Variants in USP45 observed in about 807,000 individuals in gnomAD.
The protein encoded by USP45 is ubiquitin carboxyl-terminal hydrolase 45.
Under a neutral mutation model 95.8 loss-of-function variants are expected in USP45, and 89 were observed. The ratio of observed to expected loss-of-function variants is 0.93; its 90% CI spans 0.78 to 1.11. The LOEUF (loss-of-function observed/expected upper bound fraction) is 1.11, where lower values mean the gene tolerates loss of function less well. Ranked by LOEUF, USP45 falls within the 50% of genes least tolerant of loss-of-function variation. The pLI is 0.00. For missense variants in USP45, 898 were observed against 942.5 expected, an observed-to-expected ratio of 0.95 and a Z score of 0.62; for synonymous variants, 281 against 316.2, an observed-to-expected ratio of 0.89 and a Z score of 1.18.
intron 8 of USP45, among the ~76,000 whole-genome samples, chr6:99,478,815 T>C (rs1791553085): frequency 6.6e-6 from 1 of 152,078 alleles, no homozygotes; most frequent in South Asian, 2.1e-4. Context: ...TGCTCCCAAA[T>C]AAGGCTCATC....
At chr6:99,513,419 G>C (rs982904912) in intron 1 of USP45, among the ~76,000 whole-genome samples, 2 of 151,982 alleles carry the variant, frequency 1.3e-5, no homozygotes, top group Non-Finnish European at 2.9e-5. Context: ...ATAAGCAGAC[G>C]GCAAATTTGA....
At chr6:99,463,256 A>C (rs893331455) in intron 13 of USP45, among the ~76,000 whole-genome samples, 1 of 152,136 alleles carries the variant, frequency 6.6e-6, no homozygotes, top group Non-Finnish European at 1.5e-5. Context: ...AAAATAATAG[A>C]TCTAGACAAT....
intron 14 of USP45, among the ~76,000 whole-genome samples, chr6:99,444,985 A>G (rs1782212071): frequency 1.3e-5 from 2 of 152,208 alleles, no homozygotes; most frequent in Admixed American, 1.3e-4. Flanking sequence ...CCATTTACTC[A>G]AGGATAAAGA....
chr6:99,445,781 T>C lies in USP45; in HGVS notation c.1975+16A>G, dbSNP rs144599778. ...TATCAGGAGATCAATAATTATGTAA[T>C]TAAAAAAATAATTACCTGCAAAACT... is the stretch of plus-strand genomic sequence containing the variant. On this transcript the variant is annotated intron_variant, in intron 14 of 17. Coordinates refer to ENST00000500704, the MANE Select transcript of USP45 (RefSeq NM_001346022.3). 804 of 1,515,268 alleles carry C rather than the reference T, an allele frequency of 5.3e-4. 5 individuals carry two copies. The African/African-American group carries it at 6.7e-3, about 13-fold the overall frequency. 93.9% of individuals were successfully genotyped at this position (1,515,268 alleles called of 1,614,324 possible).
At chr6:99,441,549 T>G (rs1781531217) in intron 15 of USP45, among the ~76,000 whole-genome samples, 1 of 151,888 alleles carries the variant, frequency 6.6e-6, no homozygotes, top group African/African-American at 2.4e-5. Context: ...AAAAAAAAAT[T>G]ACTCAATGTT....
intron 14 of USP45, among the ~76,000 whole-genome samples, chr6:99,444,252 C>T (rs538048724): frequency 4.6e-5 from 7 of 152,236 alleles, no homozygotes; most frequent in Non-Finnish European, 7.4e-5. Context: ...TGGCTACAAG[C>T]GATCCTCATG....
At chr6:99,493,109 C>A (rs1470343454) in intron 5 of USP45, among the ~76,000 whole-genome samples, 4 of 151,922 alleles carry the variant, frequency 2.6e-5, no homozygotes, top group African/African-American at 9.7e-5. Flanking sequence ...GCACTGCAAC[C>A]TCCGCTCCCT....
chr6:99,453,528 G>A (rs147801217), intron 13 of USP45, among the ~76,000 whole-genome samples: 121 of 152,236 alleles, frequency 7.9e-4, no homozygotes, highest in African/African-American at 2.6e-3. Context: ...AGACACAAAC[G>A]AAAAAGCATC....
At chr6:99,460,461 G>T (rs936728473) in intron 13 of USP45, among the ~76,000 whole-genome samples, 18 of 152,018 alleles carry the variant, frequency 1.2e-4, no homozygotes, top group African/African-American at 4.3e-4. Flanking sequence ...GTTTTACTTG[G>T]ACTTTAAAAC....
intron 5 of USP45, among the ~76,000 whole-genome samples, chr6:99,499,802 C>T (rs1170038692): frequency 6.6e-6 from 1 of 152,192 alleles, no homozygotes. Flanking sequence ...GCTTGAAAGC[C>T]GGCTCATCCA....
At chr6:99,508,010 T>G (rs952218896) in intron 3 of USP45, among the ~76,000 whole-genome samples, 3 of 152,168 alleles carry the variant, frequency 2.0e-5, no homozygotes, top group Non-Finnish European at 2.9e-5. Flanking sequence ...GCTTTTTTTT[T>G]GTTTGTTTTT....
chr6:99,496,596 G>C (rs961499289), intron 5 of USP45, among the ~76,000 whole-genome samples: 1 of 151,860 alleles, frequency 6.6e-6, no homozygotes, highest in African/African-American at 2.4e-5. Flanking sequence ...AAAGAACATG[G>C]GATTGTCAGT....
rs375582786 is a variant in USP45 at position 99,435,837 on chromosome 6, G to A, written c.2324C>T (p.Ala775Val). Residue 775 changes from alanine to valine, a missense_variant, in exon 18 of 18, where the codon GCG (alanine) becomes GTG (valine). Coordinates refer to ENST00000500704, the MANE Select transcript of USP45 (RefSeq NM_001346022.3). ...CTGGCCTGCTGATTCATTATCAGCC[G>A]CTTTCAAACCTAGCAAAACAAAAAG... is the stretch of plus-strand genomic sequence containing the variant. Reference protein sequence around the residue: ...TKKKNVPGLKAADNESAGQWV... With the variant: ...TKKKNVPGLKVADNESAGQWV... 113 of 1,607,470 alleles carry A rather than the reference G, an allele frequency of 7.0e-5. No individual in the cohort carries two copies. Among genetic ancestry groups the A allele is most frequent in the South Asian group, 3.0e-4 (27 of 89,378 alleles).
rs371040873 is a variant in USP45, at chr6:99,436,871, G to A, written c.2314+375C>T. Among the ~76,000 whole-genome samples, 33 of 152,178 alleles carry A rather than the reference G, an allele frequency of 2.2e-4. 1 individual carries two copies. The South Asian group carries it at 5.2e-3, about 24-fold the overall frequency. ...TCCCAGCACTTTGGGAGGCCGAGGC[G>A]GGCAAATCACTTGAGGTCAGGAGTT... On this transcript the variant is annotated intron_variant, in intron 17 of 17. Coordinates refer to ENST00000500704, the MANE Select transcript of USP45 (RefSeq NM_001346022.3).
chr6:99,510,268 T>C, intron 1 of USP45, 38 bp from the exon 2 acceptor site: 1 of 1,439,500 alleles, frequency 6.9e-7, no homozygotes, highest in Non-Finnish European at 9.6e-7. Context: ...TACATTTTAG[T>C]CTTCAAAATT....
chr6:99,490,777 A>G (rs1435407734), intron 5 of USP45, among the ~76,000 whole-genome samples: 1 of 151,966 alleles, frequency 6.6e-6, no homozygotes, highest in Non-Finnish European at 1.5e-5. Context: ...ACTTCTGTAA[A>G]CAACATTAAA....
chr6:99,437,198 C>T (rs754805544), intron 17 of USP45, 48 bp downstream of exon 17: 16 of 1,548,742 alleles, frequency 1.0e-5, no homozygotes, highest in Admixed American at 2.0e-5. Flanking sequence ...GAAAAGGAAG[C>T]ACATATTCGT....
At chr6:99,485,883 A>G (rs1391374210) in intron 7 of USP45, among the ~76,000 whole-genome samples, 2 of 152,214 alleles carry the variant, frequency 1.3e-5, no homozygotes, top group Non-Finnish European at 2.9e-5. Context: ...AAGAAAAACC[A>G]TATGATCATC....
At chr6:99,444,599 A>T (rs1361089158) in intron 14 of USP45, among the ~76,000 whole-genome samples, 1 of 152,120 alleles carries the variant, frequency 6.6e-6, no homozygotes, top group Non-Finnish European at 1.5e-5. Flanking sequence ...ACACTCTGGG[A>T]CACTATCCAC....
Sources: allele counts gnomAD v4.1 joint callset (sites outside exome capture counted in the v4.1 genomes callset), GRCh38; gene constraint gnomAD v4.1.1; transcripts MANE v1.5; gene names NCBI Gene and HGNC (gene_info 2026-07-23, HGNC 2026-07-21).